CYP39A1: variants seen among roughly 807,000 people sequenced by gnomAD.
CYP39A1 encodes 24-hydroxycholesterol 7-alpha-hydroxylase.
In CYP39A1, 49 loss-of-function variants were observed where a neutral mutation model predicts 58.1. That is an observed-to-expected ratio of 0.84 (90% CI 0.67 to 1.07). The LOEUF is 1.07. Among genes scored for constraint, CYP39A1 ranks in the 50% least tolerant of loss-of-function variants. The pLI is 0.00. For synonymous variants in CYP39A1, 209 were observed against 187.6 expected (o/e 1.11, Z -0.93); for missense variants, 531 against 539.4 (o/e 0.98, Z 0.16).
intron 6 of CYP39A1, among the ~76,000 whole-genome samples, chr6:46,626,042 A>C (rs1775291215): frequency 1.3e-5 from 2 of 149,326 alleles, no homozygotes; most frequent in South Asian, 4.3e-4. Context: ...AATGTCAAAA[A>C]CAAAGTCCTT....
intron 5 of CYP39A1, among the ~76,000 whole-genome samples, chr6:46,634,275 T>A (rs1343870124): frequency 6.6e-6 from 1 of 152,154 alleles, no homozygotes; most frequent in East Asian, 1.9e-4. Context: ...ATGTAAGATG[T>A]TACTTGATCC....
intron 1 of CYP39A1, among the ~76,000 whole-genome samples, chr6:46,646,163 G>A (rs997211471): frequency 1.1e-4 from 17 of 152,106 alleles, no homozygotes; most frequent in East Asian, 3.9e-4. Context: ...TGCTGAATAA[G>A]AGTTGTGACA....
At chr6:46,625,360 T>C in intron 7 of CYP39A1, 58 bp downstream of exon 7, 2 of 1,230,344 alleles carry the variant, frequency 1.6e-6, no homozygotes, top group South Asian at 3.0e-5. Flanking sequence ...GCTTTGCCAA[T>C]AATGTGTGAC....
At chr6:46,649,128 G>T (rs1327483952) in intron 1 of CYP39A1, among the ~76,000 whole-genome samples, 9 of 152,232 alleles carry the variant, frequency 5.9e-5, no homozygotes, top group African/African-American at 2.2e-4. Flanking sequence ...AACTCAGGTA[G>T]TCGTATTCAC....
intron 10 of CYP39A1, among the ~76,000 whole-genome samples, chr6:46,571,263 C>T (rs1415687046): frequency 2.6e-5 from 4 of 151,984 alleles, no homozygotes; most frequent in South Asian, 2.1e-4. Flanking sequence ...TAGTTCAAGT[C>T]CCATGTTTCC....
intron 10 of CYP39A1, among the ~76,000 whole-genome samples, chr6:46,580,439 G>A (rs893422999): frequency 1.3e-5 from 2 of 152,114 alleles, no homozygotes; most frequent in Non-Finnish European, 2.9e-5. Context: ...CTGGACATAG[G>A]CCTTGCCAAG....
chr6:46,613,227 A>G (rs1001997289), intron 7 of CYP39A1, among the ~76,000 whole-genome samples: 6 of 152,206 alleles, frequency 3.9e-5, no homozygotes, highest in African/African-American at 1.4e-4. Context: ...ACCTAAGTCA[A>G]TGTCACCAGG....
intron 10 of CYP39A1, among the ~76,000 whole-genome samples, chr6:46,556,055 G>A (rs533780874): frequency 6.6e-6 from 1 of 152,330 alleles, no homozygotes; most frequent in Non-Finnish European, 1.5e-5. Flanking sequence ...GGTTCAGAAT[G>A]TCTCACAACT....
chr6:46,601,478 C>G (rs1346143363), intron 7 of CYP39A1, among the ~76,000 whole-genome samples: 1 of 152,172 alleles, frequency 6.6e-6, no homozygotes, highest in Non-Finnish European at 1.5e-5. Context: ...CTAGTCCCAT[C>G]TCACACTGAA....
At chr6:46,639,367 C>T (rs1776186885) in intron 3 of CYP39A1, 127 bp downstream of exon 3, 1 of 848,024 alleles carries the variant, frequency 1.2e-6, no homozygotes, top group African/African-American at 1.8e-5. Flanking sequence ...TTAAAATAAT[C>T]TCTTAATAGC....
At chr6:46,562,417 GTA>G (rs1421137305) in intron 10 of CYP39A1, among the ~76,000 whole-genome samples, 1 of 151,914 alleles carries the variant, frequency 6.6e-6, no homozygotes, top group Non-Finnish European at 1.5e-5. Context: ...TTTACAACAT[GTA>G]CATATTCAAA....
chr6:46,601,261 C>T (rs1582375322), intron 7 of CYP39A1, among the ~76,000 whole-genome samples: 1 of 152,154 alleles, frequency 6.6e-6, no homozygotes, highest in African/African-American at 2.4e-5. Flanking sequence ...ATCTCCATTG[C>T]TACCACTCTT....
chr6:46,584,789 AG>A (rs1460918829), intron 10 of CYP39A1, among the ~76,000 whole-genome samples: 1 of 152,088 alleles, frequency 6.6e-6, no homozygotes, highest in Non-Finnish European at 1.5e-5. Flanking sequence ...TCAAGCTAAA[AG>A]GTCTCCCGCC....
At chr6:46,585,368 CAGAT>C (rs1772413553) in intron 10 of CYP39A1, among the ~76,000 whole-genome samples, 1 of 151,262 alleles carries the variant, frequency 6.6e-6, no homozygotes, top group Admixed American at 6.6e-5. Context: ...GATAGACAGA[CAGAT>C]AGCTAGATAT....
At chr6:46,597,567 G>A (rs891352746) in intron 7 of CYP39A1, among the ~76,000 whole-genome samples, 1 of 152,032 alleles carries the variant, frequency 6.6e-6, no homozygotes, top group Non-Finnish European at 1.5e-5. Flanking sequence ...TTAGCAAATG[G>A]TCCAACTTCA....
At chr6:46,644,205 T>A (rs937511439) in intron 1 of CYP39A1, among the ~76,000 whole-genome samples, 3 of 152,238 alleles carry the variant, frequency 2.0e-5, no homozygotes, top group African/African-American at 7.2e-5. Flanking sequence ...TGAATTTCAC[T>A]ATGTCATATA....
At chr6:46,570,466 A>T (rs1202652901) in intron 10 of CYP39A1, among the ~76,000 whole-genome samples, 2 of 152,026 alleles carry the variant, frequency 1.3e-5, no homozygotes, top group African/African-American at 4.8e-5. Flanking sequence ...GGTGTTTATC[A>T]CTATATACTT....
chr6:46,600,868 T>C (rs1773451894), intron 7 of CYP39A1, among the ~76,000 whole-genome samples: 1 of 152,132 alleles, frequency 6.6e-6, no homozygotes. Context: ...TTACAACAAA[T>C]TATCGAATCT....
chr6:46,570,328 T>C (rs1041827201), intron 10 of CYP39A1, among the ~76,000 whole-genome samples: 3 of 152,180 alleles, frequency 2.0e-5, no homozygotes, highest in African/African-American at 7.2e-5. Flanking sequence ...CTCTATTTCA[T>C]TTATTTCTGC....
Sources: gnomAD v4.1 joint callset for allele counts (sites outside exome capture counted in the v4.1 genomes callset) on GRCh38, gnomAD v4.1.1 for gene constraint, MANE v1.5 for transcripts, NCBI Gene and HGNC (gene_info 2026-07-23, HGNC 2026-07-21) for gene names.